Variants in SPECC1 observed in about 807,000 individuals in gnomAD.
SPECC1 encodes the protein sperm antigen with calponin homology and coiled-coil domains 1, also known as cytospin-B.
SPECC1 carries 62 observed loss-of-function variants against 104.1 expected under a neutral mutation model. The observed-to-expected ratio is 0.60, with a 90% CI of 0.49 to 0.74. The LOEUF (loss-of-function observed/expected upper bound fraction) is 0.74. Ranked by LOEUF, SPECC1 falls within the 30% of genes least tolerant of loss-of-function variation. The probability of loss-of-function intolerance (pLI) is 0.00; values close to 1 mark genes in which losing one functional copy is unlikely to be tolerated. For synonymous variants in SPECC1, 513 were observed against 501.6 expected (o/e 1.02, Z -0.30); for missense variants, 1,306 against 1,310.5 (o/e 1.00, Z 0.05).
chr17:20,217,299 A>G (rs984752709), intron 4 of SPECC1, among the ~76,000 whole-genome samples: 2 of 150,952 alleles, frequency 1.3e-5, no homozygotes, highest in Non-Finnish European at 2.9e-5. Flanking sequence ...TTTCTTGTAA[A>G]TAGCTTTCTG....
At chr17:20,178,772 C>T (rs1437348113) in intron 3 of SPECC1, among the ~76,000 whole-genome samples, 1 of 152,122 alleles carries the variant, frequency 6.6e-6, no homozygotes, top group Non-Finnish European at 1.5e-5. Flanking sequence ...GACAAAGTAA[C>T]AGATGGAAAA....
At chr17:20,242,426 CTG>C (rs2039243268) in intron 7 of SPECC1, among the ~76,000 whole-genome samples, 1 of 152,242 alleles carries the variant, frequency 6.6e-6, no homozygotes, top group African/African-American at 2.4e-5. Flanking sequence ...CATGGAGACA[CTG>C]TCTGCTTATG....
At chr17:20,049,671 G>A (rs886246383) in intron 1 of SPECC1, among the ~76,000 whole-genome samples, 1 of 152,100 alleles carries the variant, frequency 6.6e-6, no homozygotes, top group Non-Finnish European at 1.5e-5. Context: ...CATGTAGAAA[G>A]ATTTGGTTTG....
chr17:20,057,086 T>G (rs943669541), intron 1 of SPECC1, among the ~76,000 whole-genome samples: 12 of 152,186 alleles, frequency 7.9e-5, no homozygotes, highest in African/African-American at 2.9e-4. Context: ...TGAAATTTTT[T>G]TACTGAAGGC....
At chr17:20,179,546 G>T (rs112928506) in intron 3 of SPECC1, among the ~76,000 whole-genome samples, 3 of 152,290 alleles carry the variant, frequency 2.0e-5, no homozygotes, top group African/African-American at 7.2e-5. Flanking sequence ...CTAATAAGGT[G>T]GGAAAGTCCC....
At chr17:20,298,948 A>AGAGAGTGTGTGTGTGTGTGTGTGT in intron 13 of SPECC1, among the ~76,000 whole-genome samples, 1,671 of 48,290 alleles carry the variant, frequency 0.035, 36 homozygotes, top group Non-Finnish European at 0.047. Flanking sequence ...AGAGAGAGAG[A>AGAGAGTGTGTGTGTGTGTGTGTGT]GTGTGTGTGT....
intron 7 of SPECC1, among the ~76,000 whole-genome samples, chr17:20,234,292 CAT>C (rs2151489114): frequency 6.6e-6 from 1 of 152,320 alleles, no homozygotes; most frequent in South Asian, 2.1e-4. Context: ...CCAATGAGAA[CAT>C]GTCATGGTAC....
intron 3 of SPECC1, among the ~76,000 whole-genome samples, chr17:20,167,284 T>A (rs1049667198): frequency 6.6e-6 from 1 of 151,406 alleles, no homozygotes; most frequent in Non-Finnish European, 1.5e-5. Context: ...ATAGAAAATC[T>A]TGATGAAATT....
intron 4 of SPECC1, among the ~76,000 whole-genome samples, chr17:20,210,890 G>A (rs952073831): frequency 3.3e-5 from 5 of 152,126 alleles, no homozygotes; most frequent in African/African-American, 1.2e-4. Context: ...TGGCAGTCAT[G>A]TTTGCTCAGG....
chr17:20,067,454 A>G (rs994447290), intron 1 of SPECC1: 1 of 152,048 alleles, frequency 6.6e-6, no homozygotes, highest in African/African-American at 2.4e-5. Flanking sequence ...AACCATTCTT[A>G]ATATATAGAT....
At chr17:20,301,658 T>G (rs934544405) in intron 13 of SPECC1, among the ~76,000 whole-genome samples, 2 of 152,170 alleles carry the variant, frequency 1.3e-5, no homozygotes, top group Non-Finnish European at 2.9e-5. Context: ...AAGAGATATA[T>G]GATCACAGGG....
chr17:20,177,053 A>T (rs72830176), intron 3 of SPECC1, among the ~76,000 whole-genome samples: 2 of 152,190 alleles, frequency 1.3e-5, no homozygotes, highest in African/African-American at 4.8e-5. Flanking sequence ...TTCTGAGGAC[A>T]TTGGGAAAAG....
At chr17:20,226,804 A>G (rs2038237217) in intron 4 of SPECC1, among the ~76,000 whole-genome samples, 1 of 152,206 alleles carries the variant, frequency 6.6e-6, no homozygotes, top group African/African-American at 2.4e-5. Context: ...TAGAGCATGA[A>G]TGTGATAGAG....
At chr17:20,219,601 C>A (rs2037729947) in intron 4 of SPECC1, among the ~76,000 whole-genome samples, 1 of 152,150 alleles carries the variant, frequency 6.6e-6, no homozygotes, top group Non-Finnish European at 1.5e-5. Flanking sequence ...GGGTAGTTTG[C>A]AAGTATTTTC....
chr17:20,059,491 G>T (rs550853194), intron 1 of SPECC1, among the ~76,000 whole-genome samples: 9 of 152,242 alleles, frequency 5.9e-5, no homozygotes, highest in African/African-American at 2.2e-4. Flanking sequence ...CTGGGGGTTG[G>T]GGACCCCTGA....
intron 1 of SPECC1, among the ~76,000 whole-genome samples, chr17:20,047,396 C>A (rs1273273542): frequency 6.6e-6 from 1 of 152,208 alleles, no homozygotes; most frequent in Admixed American, 6.5e-5. Flanking sequence ...GGTAGAATCA[C>A]CAGCCTTGCT....
chr17:20,013,617 C>G (rs1346994423), intron 1 of SPECC1, among the ~76,000 whole-genome samples: 3 of 152,122 alleles, frequency 2.0e-5, no homozygotes, highest in African/African-American at 7.2e-5. Context: ...TTCTCCCAAC[C>G]CAGCCTCCCG....
intron 1 of SPECC1, chr17:20,086,990 G>A (rs1597671161): frequency 1.3e-5 from 2 of 152,228 alleles, no homozygotes; most frequent in South Asian, 2.1e-4. Context: ...CCATATCCCC[G>A]CTTGGCTTAG....
chr17:20,297,080 A>G lies in SPECC1; in HGVS notation c.3057+3A>G. 1 of 1,612,846 alleles carries G rather than the reference A, an allele frequency of 6.2e-7. No homozygotes were observed. The highest frequency in any genetic ancestry group is 1.1e-5 in the South Asian group (1 of 90,944). Reference sequence around the variant, plus strand: ...AGGAGCTGAATAGTCAGGAGAAAGTAAGTCATGGCCCTGTCACCTTGGTTA... The same window carrying G: ...AGGAGCTGAATAGTCAGGAGAAAGTGAGTCATGGCCCTGTCACCTTGGTTA... On this transcript the variant is annotated splice_donor_region_variant and intron_variant, in intron 13 of 14. Transcript: ENST00000395527.
Sources: gnomAD v4.1 joint callset for allele counts (sites outside exome capture counted in the v4.1 genomes callset) on GRCh38, gnomAD v4.1.1 for gene constraint, MANE v1.5 for transcripts, NCBI Gene and HGNC (gene_info 2026-07-23, HGNC 2026-07-21) for gene names.